Variants in ZNF891 observed in about 807,000 individuals in gnomAD.
ZNF891 encodes hCG1646157.
For missense variants in ZNF891, 589 were observed against 632.7 expected, an observed-to-expected ratio of 0.93 and a Z score of 0.74; for synonymous variants, 199 against 209.0, an observed-to-expected ratio of 0.95 and a Z score of 0.41.
In ZNF891 at chr12:133,116,138, T is replaced by A. The variant is rs1257271025; in HGVS notation, c.*4146A>T. On this transcript the variant is annotated 3_prime_UTR_variant, in exon 2 of 2. Coordinates refer to ENST00000537226, the MANE Select transcript of ZNF891 (RefSeq NM_001277291.2). ...CGATTTTCTTGAGACGGAGTCTTGC[T>A]CTGTCACCTAGGCCGGAATGCAGTG... 6.6e-6 allele frequency: 1 copy of A among 152,248 alleles called. No individual in the cohort carries two copies. The highest frequency in any genetic ancestry group is 1.5e-5 in the Non-Finnish European group (1 of 68,092). 9.4% of individuals were successfully genotyped at this position (152,248 alleles called of 1,614,324 possible). A position where few individuals can be genotyped will look rare whatever the true frequency, so the allele number is the denominator to read the frequency against.
chr12:133,106,456 C>A lies in ZNF891; in HGVS notation c.*13828G>T, dbSNP rs1211155315. The A allele has an allele frequency of 6.2e-7, 1 of 1,613,850 alleles. No homozygotes were observed. The highest frequency in any genetic ancestry group is 1.7e-5 in the Admixed American group (1 of 59,994). On this transcript the variant is annotated 3_prime_UTR_variant, in exon 2 of 2. Coordinates refer to ENST00000537226, the MANE Select transcript of ZNF891 (RefSeq NM_001277291.2). ...ATGCGTGTGCTGAATGTGATAAAGC[C>A]TTCAGCCGGAGCTTTTCCCTCATTC...
In ZNF891 at chr12:133,118,379, A is replaced by T. The variant is rs1008289809; in HGVS notation, c.*1905T>A. On this transcript the variant is annotated 3_prime_UTR_variant, in exon 2 of 2. Coordinates refer to ENST00000537226, the MANE Select transcript of ZNF891 (RefSeq NM_001277291.2). ...TGGCAGACCTTCCCTTTTCATTCTT[A>T]CTCACCTTCCAAAGCCTGTTATTGT... is the stretch of plus-strand genomic sequence containing the variant. 6.6e-6 allele frequency: 1 copy of T among 151,742 alleles called. No homozygotes were observed. Among genetic ancestry groups the T allele is most frequent in the Non-Finnish European group, 1.5e-5 (1 of 67,988 alleles). 9.4% of individuals were successfully genotyped at this position (151,742 alleles called of 1,614,324 possible). A position where few individuals can be genotyped will look rare whatever the true frequency, so the allele number is the denominator to read the frequency against.
In ZNF891 at chr12:133,107,766, G is replaced by C; in HGVS notation, c.*12518C>G. 1 of 152,160 alleles carries C rather than the reference G, an allele frequency of 6.6e-6. No individual in the cohort carries two copies. The highest frequency in any genetic ancestry group is 1.9e-4 in the East Asian group (1 of 5,184). The allele number at this position is 152,160 out of a possible 1,614,324, so 9.4% of individuals were successfully genotyped here. A position where few individuals can be genotyped will look rare whatever the true frequency, so the allele number is the denominator to read the frequency against. ...TAAAACTGTTCTGGCATTACCACCT[G>C]CCCAGCTGACAAAGGTCACACCATC... On this transcript the variant is annotated 3_prime_UTR_variant, in exon 2 of 2. Coordinates refer to ENST00000537226, the MANE Select transcript of ZNF891 (RefSeq NM_001277291.2).
At chr12:133,126,473 C>CAAAA (rs869209894) in intron 1 of ZNF891, among the ~76,000 whole-genome samples, 101 of 58,102 alleles carry the variant, frequency 1.7e-3, no homozygotes, top group Non-Finnish European at 2.6e-3. Flanking sequence ...GACTCCGTCT[C>CAAAA]AAAAAAAAAA....
Position 133,110,129 on chromosome 12 carries a change from C to T in ZNF891, c.*10155G>A, listed in dbSNP as rs1955671818. 6.6e-6 allele frequency: 1 copy of T among 152,178 alleles called. No individual in the cohort carries two copies. The highest frequency in any genetic ancestry group is 1.5e-5 in the Non-Finnish European group (1 of 68,034). The allele number at this position is 152,178 out of a possible 1,614,324, so 9.4% of individuals were successfully genotyped here. A position where few individuals can be genotyped will look rare whatever the true frequency, so the allele number is the denominator to read the frequency against. On this transcript the variant is annotated 3_prime_UTR_variant, in exon 2 of 2. Transcript: ENST00000537226. ...TTTATTTACTCTCAGGACCTTCAGA[C>T]AAAGTTTGTCAACTCTGATATAAAT...
Position 133,113,353 on chromosome 12 carries a change from A to G in ZNF891, c.*6931T>C, listed in dbSNP as rs564359707. ...GACAAAAGAAAAAAATTATGACATA[A>G]CCATTGATAAAACTTTGGTGTTATG... On this transcript the variant is annotated 3_prime_UTR_variant, in exon 2 of 2. Coordinates refer to ENST00000537226, the MANE Select transcript of ZNF891 (RefSeq NM_001277291.2). 4.3e-4 allele frequency: 66 copies of G among 152,226 alleles called. No homozygotes were observed. The highest frequency in any genetic ancestry group is 1.6e-3 in the African/African-American group (66 of 41,568). 9.4% of individuals were successfully genotyped at this position (152,226 alleles called of 1,614,324 possible).
In ZNF891 at chr12:133,109,725, A is replaced by C. The variant is rs1955667376; in HGVS notation, c.*10559T>G. On this transcript the variant is annotated 3_prime_UTR_variant, in exon 2 of 2. Transcript: ENST00000537226. ...AGAAATAATTTTTCAGGCAGTATGA[A>C]ATGATCTTAGAAACTTGGAAATGCA... 1 of 152,206 alleles carries C rather than the reference A, an allele frequency of 6.6e-6. No individual in the cohort carries two copies. The highest frequency in any genetic ancestry group is 6.5e-5 in the Admixed American group (1 of 15,274). The allele number at this position is 152,206 out of a possible 1,614,324, so 9.4% of individuals were successfully genotyped here. A position where few individuals can be genotyped will look rare whatever the true frequency, so the allele number is the denominator to read the frequency against.
In ZNF891 at chr12:133,109,833, G is replaced by C. The variant is rs1955668440; in HGVS notation, c.*10451C>G. The stretch of plus-strand genomic sequence containing the variant: ...AATTATGGTCTATGGACCAAATCAA[G>C]GCCTTTGAGCTAAGAATGATTTTAA... On this transcript the variant is annotated 3_prime_UTR_variant, in exon 2 of 2. Coordinates refer to ENST00000537226, the MANE Select transcript of ZNF891 (RefSeq NM_001277291.2). The C allele has an allele frequency of 6.6e-6, 1 of 152,146 alleles. No homozygotes were observed. 9.4% of individuals were successfully genotyped at this position (152,146 alleles called of 1,614,324 possible).
At chr12:133,126,855 A>G (rs1474313549) in intron 1 of ZNF891, among the ~76,000 whole-genome samples, 2 of 152,046 alleles carry the variant, frequency 1.3e-5, no homozygotes, top group African/African-American at 2.4e-5. Context: ...GATCTAAAAG[A>G]AAAAGTAAGA....
At position 133,120,654 on chromosome 12, in the gene ZNF891, TGC is replaced by T; in HGVS notation, c.1263_1264del (p.His422GlnfsTer11). ...TTTTTCTCCAGTGTGTATTCTCTTG[TGC>T]ACTATAAGGTAAGAGCTTGTGCCAA... On this transcript the variant is annotated frameshift_variant, in exon 2 of 2. Transcript: ENST00000537226. LOFTEE classifies it low-confidence loss of function (END_TRUNC). 1 of 1,558,620 alleles carries T rather than the reference TGC, an allele frequency of 6.4e-7. No individual in the cohort carries two copies. The highest frequency in any genetic ancestry group is 8.7e-7 in the Non-Finnish European group (1 of 1,152,232).
At chr12:133,129,611 G>A (rs996450605) in intron 1 of ZNF891, among the ~76,000 whole-genome samples, 94 of 152,044 alleles carry the variant, frequency 6.2e-4, no homozygotes, top group African/African-American at 1.9e-3. Context: ...GAGGGGTGGT[G>A]ACCTGTTTTA....
Position 133,121,070 on chromosome 12 carries a change from T to A in ZNF891, c.849A>T (p.Val283=). Residue 283 remains valine, a synonymous_variant, in exon 2 of 2, where the codon GTA becomes GTT. Coordinates refer to ENST00000537226, the MANE Select transcript of ZNF891 (RefSeq NM_001277291.2). ...GMHFTHNMFP[V]PNNLHMAQNA... ...TCTGTGCCATATGCAAATTGTTAGG[T>A]ACAGGAAACATATTATGTGTGAAGT... The A allele has an allele frequency of 6.5e-7, 1 of 1,535,622 alleles. No homozygotes were observed. The highest frequency in any genetic ancestry group is 8.7e-7 in the Non-Finnish European group (1 of 1,146,852).
In ZNF891 at chr12:133,108,850, CCT is replaced by C. The variant is rs990528829; in HGVS notation, c.*11432_*11433del. ...GAGTGAATTTCTGCAATATTTCAAA[CCT>C]ATATCAGAGAATTACACTGTGGGAA... On this transcript the variant is annotated 3_prime_UTR_variant, in exon 2 of 2. Transcript: ENST00000537226. 1 of 152,196 alleles carries C rather than the reference CCT, an allele frequency of 6.6e-6. No individual in the cohort carries two copies. The highest frequency in any genetic ancestry group is 2.4e-5 in the African/African-American group (1 of 41,456). 9.4% of individuals were successfully genotyped at this position (152,196 alleles called of 1,614,324 possible). A position where few individuals can be genotyped will look rare whatever the true frequency, so the allele number is the denominator to read the frequency against.
In ZNF891 at chr12:133,104,835, C is replaced by T. The variant is rs1217887760; in HGVS notation, c.*15449G>A. Among the ~76,000 whole-genome samples, 1 of 152,128 alleles carries T rather than the reference C, an allele frequency of 6.6e-6. No individual in the cohort carries two copies. The highest frequency in any genetic ancestry group is 1.5e-5 in the Non-Finnish European group (1 of 68,032). ...AACTTTCATTTTAGGTTAAAGGTTA[C>T]TCATGTTACATGAGCAAATTGTGTG... On this transcript the variant is annotated 3_prime_UTR_variant, in exon 2 of 2. Coordinates refer to ENST00000537226, the MANE Select transcript of ZNF891 (RefSeq NM_001277291.2).
rs1955752280 is a variant in ZNF891 at position 133,120,960 on chromosome 12, T to C, written c.959A>G (p.His320Arg). Residue 320 changes from histidine (H) to arginine (R), a missense_variant, in exon 2 of 2, where the codon CAT becomes CGT. By Grantham distance (29) the His-to-Arg change is conservative. Coordinates refer to ENST00000537226, the MANE Select transcript of ZNF891 (RefSeq NM_001277291.2). ...KQGQTHTEKK[H>R]ECNQCGKAFK... ...GGCTTTTCCACATTGATTGCATTCA[T>C]GTTTCTTTTCAGTATGAGTTTGTCC... The C allele has an allele frequency of 6.5e-7, 1 of 1,535,922 alleles. No homozygotes were observed. The highest frequency in any genetic ancestry group is 2.0e-5 in the Admixed American group (1 of 50,996).
chr12:133,106,694 A>T lies in ZNF891; in HGVS notation c.*13590T>A, dbSNP rs905225. 863,685 of 1,471,220 alleles carry T rather than the reference A, an allele frequency of 0.59. 260,279 individuals carry two copies. The highest frequency in any genetic ancestry group is 0.8 in the African/African-American group (56,731 of 70,848). The allele number at this position is 1,471,220 out of a possible 1,614,324, so 91.1% of individuals were successfully genotyped here. A position where few individuals can be genotyped will look rare whatever the true frequency, so the allele number is the denominator to read the frequency against. On this transcript the variant is annotated 3_prime_UTR_variant, in exon 2 of 2. Coordinates refer to ENST00000537226, the MANE Select transcript of ZNF891 (RefSeq NM_001277291.2). ...AAACTATGAATGTATGGAATTTTTT[A>T]AAAAGAAGTATAATGCCTTACTTCA...
At chr12:133,122,231 G>C in intron 1 of ZNF891, 1 of 1,045,046 alleles carries the variant, frequency 9.6e-7, no homozygotes, top group Non-Finnish European at 1.2e-6. Context: ...CTTTGTACTG[G>C]CTTCTCCTGC....
intron 1 of ZNF891, among the ~76,000 whole-genome samples, chr12:133,124,603 A>G (rs555016517): frequency 6.6e-6 from 1 of 151,704 alleles, no homozygotes; most frequent in Admixed American, 6.6e-5. Flanking sequence ...CTACAAGGGA[A>G]TATCAATTAT....
At chr12:133,125,921 C>G (rs1265994085) in intron 1 of ZNF891, 35 of 482,736 alleles carry the variant, frequency 7.3e-5, no homozygotes, top group Non-Finnish European at 1.6e-5. Context: ...TTCCCATGCT[C>G]TGGATGTTGC....
Sources: allele counts gnomAD v4.1 joint callset (sites outside exome capture counted in the v4.1 genomes callset), GRCh38; gene constraint gnomAD v4.1.1; transcripts MANE v1.5; gene names NCBI Gene and HGNC (gene_info 2026-07-23, HGNC 2026-07-21).